The following SCN10A variants were observed in gnomAD, a reference collection of about 807,000 sequenced individuals.
The protein encoded by SCN10A is sodium channel protein type 10 subunit alpha.
In SCN10A, 162 loss-of-function variants were observed where a neutral mutation model predicts 170.7. The observed-to-expected ratio is 0.95, with a 90% CI of 0.84 to 1.08. The LOEUF (loss-of-function observed/expected upper bound fraction) is 1.08, where lower values mean the gene tolerates loss of function less well. Ranked by LOEUF, SCN10A falls within the 50% of genes least tolerant of loss-of-function variation. The pLI is 0.00. For synonymous variants in SCN10A, 985 were observed against 904.6 expected (o/e 1.09, Z -1.59); for missense variants, 2,527 against 2,436.9 (o/e 1.04, Z -0.78).
intron 26 of SCN10A, among the ~76,000 whole-genome samples, chr3:38,703,061 T>G (rs1001728419): frequency 2.0e-4 from 30 of 152,296 alleles, no homozygotes; most frequent in African/African-American, 7.2e-4. Flanking sequence ...CTACCCCATG[T>G]ACCTCAGGGG....
intron 1 of SCN10A, among the ~76,000 whole-genome samples, chr3:38,801,053 G>T (rs964183352): frequency 1.3e-5 from 2 of 152,144 alleles, no homozygotes; most frequent in African/African-American, 2.4e-5. Context: ...GGTAGAGGCT[G>T]GTGTGAATAA....
chr3:38,814,943 C>T (rs547869857), intron 1 of SCN10A, among the ~76,000 whole-genome samples: 15 of 152,214 alleles, frequency 9.9e-5, no homozygotes, highest in Non-Finnish European at 2.2e-4. Context: ...CACGTGGTTG[C>T]TTCTCCCTGC....
At chr3:38,706,249 T>A (rs1462960778) in intron 26 of SCN10A, among the ~76,000 whole-genome samples, 1 of 152,230 alleles carries the variant, frequency 6.6e-6, no homozygotes, top group Non-Finnish European at 1.5e-5. Context: ...ATCCTATACC[T>A]TGATTTAAAA....
intron 15 of SCN10A, among the ~76,000 whole-genome samples, chr3:38,737,388 T>C (rs1318290039): frequency 2.0e-5 from 3 of 152,180 alleles, no homozygotes; most frequent in African/African-American, 7.2e-5. Context: ...GGGGCCTACA[T>C]CTTGACATCA....
chr3:38,734,734 G>A (rs2063543013), intron 15 of SCN10A, among the ~76,000 whole-genome samples: 1 of 152,048 alleles, frequency 6.6e-6, no homozygotes, highest in Non-Finnish European at 1.5e-5. Context: ...TGTTAGAGGT[G>A]GTGAAATATT....
In SCN10A at chr3:38,792,096, G is replaced by A; in HGVS notation, c.343C>T (p.Pro115Ser). Residue 115 changes from proline to serine, a missense_variant, in exon 3 of 28, where the codon CCT becomes TCT. Coordinates refer to ENST00000449082, the MANE Select transcript of SCN10A (RefSeq NM_006514.4). Reference sequence around the variant, plus strand: ...GCCGTTCTTCTGATCAGGTTGAAAGGACTGAATAGCCACAGGGCCCGAGTG... The same window carrying A: ...GCCGTTCTTCTGATCAGGTTGAAAGAACTGAATAGCCACAGGGCCCGAGTG... ...SATRALWLFSPFNLIRRTAIK... is the reference protein window; with the variant it reads ...SATRALWLFSSFNLIRRTAIK... 2 of 1,613,860 alleles carry A rather than the reference G, an allele frequency of 1.2e-6. No homozygotes were observed. Among genetic ancestry groups the A allele is most frequent in the South Asian group, 2.2e-5 (2 of 91,064 alleles).
chr3:38,735,126 C>T (rs1241038265), intron 15 of SCN10A, among the ~76,000 whole-genome samples: 3 of 143,230 alleles, frequency 2.1e-5, no homozygotes, highest in Non-Finnish European at 4.5e-5. Context: ...GCCGAGATCA[C>T]GCCACTGCAC....
intron 4 of SCN10A, among the ~76,000 whole-genome samples, chr3:38,785,804 A>G (rs1358038510): frequency 2.0e-5 from 3 of 152,222 alleles, no homozygotes; most frequent in Admixed American, 6.5e-5. Context: ...AACTCCATCA[A>G]AAAGTGGGCA....
intron 1 of SCN10A, among the ~76,000 whole-genome samples, chr3:38,802,679 C>G (rs1278041736): frequency 2.0e-5 from 3 of 152,060 alleles, no homozygotes; most frequent in African/African-American, 7.2e-5. Flanking sequence ...AATGTTAGAC[C>G]TAAAACCATA....
chr3:38,742,213 CA>C, intron 14 of SCN10A, 77 bp downstream of exon 14: 3 of 987,808 alleles, frequency 3.0e-6, no homozygotes, highest in Admixed American at 3.6e-5. Context: ...TGCCCCACCC[CA>C]CCCGAACTGC....
At position 38,757,120 on chromosome 3, in the gene SCN10A, G is replaced by T. The variant is rs1360994164; in HGVS notation, c.990C>A (p.Asp330Glu). 4 of 1,613,140 alleles carry T rather than the reference G, an allele frequency of 2.5e-6. No individual in the cohort carries two copies. In the Admixed American group the frequency reaches 6.7e-5, roughly 27 times the overall value. The change falls in exon 9 of 28, where the codon GAC becomes GAA. Residue 330 changes from aspartate to glutamate, a missense_variant. Coordinates refer to ENST00000449082, the MANE Select transcript of SCN10A (RefSeq NM_006514.4). ...PDGYICLKTS[D>E]NPDFNYTSFD... ...AGCTGGTGTAGTTAAAATCCGGGTT[G>T]TCAGAAGTTTTAAGGCAGATATAAC...
intron 3 of SCN10A, 70 bp from the exon 4 acceptor site, chr3:38,789,106 T>A: frequency 1.2e-6 from 1 of 858,758 alleles, no homozygotes; most frequent in Admixed American, 1.8e-5. Context: ...ATCACCTTGA[T>A]GCTGAATGAT....
At chr3:38,746,314 C>T (rs1017715114) in intron 13 of SCN10A, among the ~76,000 whole-genome samples, 2 of 151,436 alleles carry the variant, frequency 1.3e-5, no homozygotes, top group African/African-American at 4.9e-5. Context: ...GCACTTATAC[C>T]AGAACCATAT....
chr3:38,719,421 T>A (rs2063366301), intron 20 of SCN10A, among the ~76,000 whole-genome samples: 1 of 114,856 alleles, frequency 8.7e-6, no homozygotes, highest in Non-Finnish European at 1.7e-5. Flanking sequence ...TGAGACGGAG[T>A]CTCGCTCTGT....
In SCN10A at chr3:38,756,630, G is replaced by A. The variant is rs372191342; in HGVS notation, c.1290+44C>T. Reference sequence around the variant, plus strand: ...TAGTCCAGAACAGTATCCAAGAATGGACAGTCTGCAACCTTCTTCACAAAG... The same window carrying A: ...TAGTCCAGAACAGTATCCAAGAATGAACAGTCTGCAACCTTCTTCACAAAG... On this transcript the variant is annotated intron_variant, in intron 10 of 27. Coordinates refer to ENST00000449082, the MANE Select transcript of SCN10A (RefSeq NM_006514.4). The A allele has an allele frequency of 5.4e-4, 822 of 1,511,128 alleles. 12 individuals are homozygous for A. In the South Asian group the frequency reaches 8.0e-3, roughly 15 times the overall value. The allele number at this position is 1,511,128 out of a possible 1,614,324, so 93.6% of individuals were successfully genotyped here. A position where few individuals can be genotyped will look rare whatever the true frequency, so the allele number is the denominator to read the frequency against.
rs2063265880 is a variant in SCN10A, at chr3:38,710,864, C to T, written c.4123G>A (p.Ala1375Thr). The T allele has an allele frequency of 1.9e-6, 3 of 1,613,774 alleles. No individual in the cohort carries two copies. Among genetic ancestry groups the T allele is most frequent in the South Asian group, 1.1e-5 (1 of 90,992 alleles). The stretch of plus-strand genomic sequence containing the variant: ...CTCACCTCCCGGGAATCAACAGCTG[C>T]ATACATAATGTCCATCCAGCCTTTA... ...TFKGWMDIMY[A>T]AVDSREVNMQ... The change falls in exon 24 of 28, where the codon GCA (alanine) becomes ACA (threonine). Residue 1375 changes from alanine to threonine, a missense_variant. Transcript: ENST00000449082.
Position 38,697,914 on chromosome 3 carries a change from T to C in SCN10A, c.5306A>G (p.Asp1769Gly). 1 of 1,614,068 alleles carries C rather than the reference T, an allele frequency of 6.2e-7. No homozygotes were observed. The highest frequency in any genetic ancestry group is 2.2e-5 in the East Asian group (1 of 44,882). Residue 1769 changes from aspartate to glycine, a missense_variant, in exon 28 of 28, where the codon GAC becomes GGC. By Grantham distance (94) the Asp-to-Gly change is moderately conservative. Coordinates refer to ENST00000449082, the MANE Select transcript of SCN10A (RefSeq NM_006514.4). ...GATTCTCAGGGGACCAGAGAGAGTG[T>C]CTGCAAAGTCCGAGAGAGCAGAAAA... ...ITFSALSDFA[D>G]TLSGPLRIPK...
At chr3:38,733,364 G>A (rs2063529574) in intron 15 of SCN10A, among the ~76,000 whole-genome samples, 1 of 152,036 alleles carries the variant, frequency 6.6e-6, no homozygotes, top group Admixed American at 6.5e-5. Flanking sequence ...AACCTTTATT[G>A]GGGTCAGTTA....
chr3:38,761,897 G>C (rs146593371), intron 6 of SCN10A, among the ~76,000 whole-genome samples: 87 of 152,056 alleles, frequency 5.7e-4, no homozygotes, highest in Middle Eastern at 3.4e-3. Flanking sequence ...AAGAGAGATA[G>C]AGTGAAACAA....
Sources: allele counts gnomAD v4.1 joint callset (sites outside exome capture counted in the v4.1 genomes callset), GRCh38; gene constraint gnomAD v4.1.1; transcripts MANE v1.5; gene names NCBI Gene and HGNC (gene_info 2026-07-23, HGNC 2026-07-21).